RSPO3: variants seen among roughly 807,000 people sequenced by gnomAD.
RSPO3 encodes R-spondin-3.
RSPO3 carries 17 observed loss-of-function variants against 36.5 expected under a neutral mutation model. The ratio of observed to expected loss-of-function variants is 0.47; its 90% CI spans 0.32 to 0.70. The LOEUF is 0.70. Ranked by LOEUF, RSPO3 falls within the 30% of genes least tolerant of loss-of-function variation. The pLI is 0.04. For missense variants in RSPO3, 294 were observed against 322.5 expected, an observed-to-expected ratio of 0.91 and a Z score of 0.68; for synonymous variants, 108 against 107.0, an observed-to-expected ratio of 1.01 and a Z score of -0.06.
chr6:127,147,617 G>A (rs1774413950), intron 1 of RSPO3, among the ~76,000 whole-genome samples: 2 of 152,144 alleles, frequency 1.3e-5, no homozygotes, highest in African/African-American at 4.8e-5. Context: ...AGGTGATGAT[G>A]ACTATTTAAT....
intron 3 of RSPO3, among the ~76,000 whole-genome samples, chr6:127,152,282 C>A (rs1175249667): frequency 2.0e-5 from 3 of 152,110 alleles, no homozygotes; most frequent in Admixed American, 2.0e-4. Flanking sequence ...ACTGTAGTAA[C>A]ACAAATCACC....
Position 127,119,247 on chromosome 6 carries a change from A to G in RSPO3, c.55A>G (p.Ile19Val). The part of the protein sequence containing the change: ...LFIILNFMEY[I>V]GSQNASRGRR... ...TATCATTTTGAACTTTATGGAATAC[A>G]TCGGCAGCCAAAACGCCTCCCGGGG... Residue 19 changes from isoleucine to valine, a missense_variant, in exon 1 of 5, where the codon ATC becomes GTC. Transcript: ENST00000356698. 1.2e-6 allele frequency: 2 copies of G among 1,613,588 alleles called. No individual in the cohort carries two copies. Among genetic ancestry groups the G allele is most frequent in the Non-Finnish European group, 1.7e-6 (2 of 1,179,752 alleles).
intron 4 of RSPO3, among the ~76,000 whole-genome samples, chr6:127,167,891 G>C: frequency 6.6e-6 from 1 of 152,032 alleles, no homozygotes; most frequent in South Asian, 2.1e-4. Context: ...ATAGTTTGCT[G>C]AGAATGATGG....
chr6:127,151,875 G>A (rs962465064), intron 3 of RSPO3, among the ~76,000 whole-genome samples: 5 of 151,988 alleles, frequency 3.3e-5, no homozygotes, highest in African/African-American at 1.2e-4. Context: ...ATGATTAGAG[G>A]TAATAAGTTC....
intron 1 of RSPO3, among the ~76,000 whole-genome samples, chr6:127,131,413 C>T (rs761334849): frequency 1.3e-5 from 2 of 152,062 alleles, no homozygotes; most frequent in African/African-American, 4.8e-5. Flanking sequence ...GGAGAGCCTA[C>T]GATCCAAGAA....
chr6:127,123,430 G>A (rs1039265842), intron 1 of RSPO3, among the ~76,000 whole-genome samples: 9 of 152,074 alleles, frequency 5.9e-5, no homozygotes, highest in African/African-American at 1.4e-4. Context: ...TCTTTGATAC[G>A]TCGTGTAACA....
chr6:127,167,786 G>A (rs1159739854), intron 4 of RSPO3, among the ~76,000 whole-genome samples: 4 of 151,810 alleles, frequency 2.6e-5, no homozygotes, highest in Admixed American at 6.6e-5. Context: ...ACAGGCCCCG[G>A]TGTGTGATGT....
chr6:127,143,380 C>T (rs1774317729), intron 1 of RSPO3, among the ~76,000 whole-genome samples: 1 of 152,104 alleles, frequency 6.6e-6, no homozygotes, highest in Admixed American at 6.6e-5. Context: ...TTATAGAATT[C>T]AGTTGGTCTC....
At chr6:127,166,828 C>T (rs1167260754) in intron 4 of RSPO3, among the ~76,000 whole-genome samples, 2 of 151,896 alleles carry the variant, frequency 1.3e-5, no homozygotes, top group African/African-American at 4.8e-5. Flanking sequence ...TAAACTCTTG[C>T]CAATCTGATT....
chr6:127,192,201 T>G (rs1775425540), intron 4 of RSPO3, among the ~76,000 whole-genome samples: 1 of 152,216 alleles, frequency 6.6e-6, no homozygotes, highest in African/African-American at 2.4e-5. Context: ...CATTAACATG[T>G]GACTATAATT....
At chr6:127,141,788 GT>G (rs1417160216) in intron 1 of RSPO3, among the ~76,000 whole-genome samples, 3 of 152,142 alleles carry the variant, frequency 2.0e-5, no homozygotes. Context: ...GTACTTTTGA[GT>G]TTGACGAAAG....
intron 4 of RSPO3, among the ~76,000 whole-genome samples, chr6:127,188,618 T>C (rs1490587847): frequency 6.6e-6 from 1 of 151,794 alleles, no homozygotes; most frequent in Non-Finnish European, 1.5e-5. Flanking sequence ...CATACCTCTA[T>C]ATGTTGGGGG....
chr6:127,171,538 T>C lies in RSPO3; in HGVS notation c.634+16100T>C, dbSNP rs1470175436. On this transcript the variant is annotated intron_variant, in intron 4 of 4. Transcript: ENST00000356698. ...TGTCATTATGACTATAGTAAAACTA[T>C]GGAAAACAAAGATGAAACTGTAACA... 2.6e-5 allele frequency among the ~76,000 whole-genome samples: 4 copies of C among 151,900 alleles called. No individual in the cohort carries two copies. The East Asian group carries it at 5.8e-4, about 22-fold the overall frequency.
intron 4 of RSPO3, among the ~76,000 whole-genome samples, chr6:127,166,062 A>G (rs924775824): frequency 4.6e-5 from 7 of 152,014 alleles, no homozygotes; most frequent in Non-Finnish European, 1.0e-4. Flanking sequence ...AAAAATTTCC[A>G]TAGAGAATGA....
intron 4 of RSPO3, among the ~76,000 whole-genome samples, chr6:127,186,614 T>C (rs1045353887): frequency 6.6e-6 from 1 of 152,142 alleles, no homozygotes; most frequent in Non-Finnish European, 1.5e-5. Flanking sequence ...GGGAAAAAAT[T>C]ATTTTGAAAA....
chr6:127,170,572 C>G (rs1774915796), intron 4 of RSPO3, among the ~76,000 whole-genome samples: 2 of 151,618 alleles, frequency 1.3e-5, no homozygotes, highest in South Asian at 4.2e-4. Flanking sequence ...TAGTTTTACA[C>G]CCATGTTCAT....
At chr6:127,132,829 C>T (rs909335513) in intron 1 of RSPO3, among the ~76,000 whole-genome samples, 1 of 152,048 alleles carries the variant, frequency 6.6e-6, no homozygotes, top group Non-Finnish European at 1.5e-5. Flanking sequence ...CACAGCTAAG[C>T]AATTAAAAAC....
At chr6:127,127,485 AAGTG>A (rs769928938) in intron 1 of RSPO3, among the ~76,000 whole-genome samples, 3 of 152,144 alleles carry the variant, frequency 2.0e-5, no homozygotes, top group East Asian at 1.9e-4. Context: ...ATACTTACTA[AAGTG>A]AGTATTATGA....
rs145268457 is a variant in RSPO3 at position 127,143,962 on chromosome 6, A to C, written c.98-4686A>C. Among the ~76,000 whole-genome samples the C allele has an allele frequency of 4.6e-3, 707 of 152,328 alleles. 9 individuals carry two copies. The highest frequency in any genetic ancestry group is 0.016 in the African/African-American group (673 of 41,584). Reference sequence around the variant, plus strand: ...CAAAGTTGAATTAACTCTTATGATAATAGCAAGTCTCTTAGGAATGGTTGC... The same window carrying C: ...CAAAGTTGAATTAACTCTTATGATACTAGCAAGTCTCTTAGGAATGGTTGC... On this transcript the variant is annotated intron_variant, in intron 1 of 4. Coordinates refer to ENST00000356698, the MANE Select transcript of RSPO3 (RefSeq NM_032784.5).
Sources: gnomAD v4.1 joint callset for allele counts (sites outside exome capture counted in the v4.1 genomes callset) on GRCh38, gnomAD v4.1.1 for gene constraint, MANE v1.5 for transcripts, NCBI Gene and HGNC (gene_info 2026-07-23, HGNC 2026-07-21) for gene names.